The following ZDHHC8 variants were observed in gnomAD, a reference collection of about 807,000 sequenced individuals.
ZDHHC8 encodes the protein palmitoyltransferase ZDHHC8.
Under a neutral mutation model 61.2 loss-of-function variants are expected in ZDHHC8, and 24 were observed. The ratio of observed to expected loss-of-function variants is 0.39; its 90% confidence interval spans 0.28 to 0.55. The LOEUF (loss-of-function observed/expected upper bound fraction) is 0.55. Ranked by LOEUF, ZDHHC8 falls within the 20% of genes least tolerant of loss-of-function variation. ZDHHC8 has a pLI of 0.60. For synonymous variants in ZDHHC8, 523 were observed against 492.5 expected (o/e 1.06, Z -0.82); for missense variants, 935 against 1,102.1 (o/e 0.85, Z 2.15).
intron 1 of ZDHHC8, among the ~76,000 whole-genome samples, chr22:20,132,731 G>A (rs1404071545): frequency 2.0e-5 from 3 of 152,242 alleles, no homozygotes; most frequent in Admixed American, 1.3e-4. Flanking sequence ...GAGAGCCCGC[G>A]CCTGCAGGAC....
At chr22:20,141,660 C>A in intron 9 of ZDHHC8, 130 bp downstream of exon 9, 1 of 785,388 alleles carries the variant, frequency 1.3e-6, no homozygotes, top group South Asian at 1.8e-5. Flanking sequence ...GGCCACATCC[C>A]CTGAGGCCAT....
intron 5 of ZDHHC8, 118 bp downstream of exon 5, chr22:20,140,335 C>T (rs546678054): frequency 7.5e-5 from 82 of 1,094,086 alleles, no homozygotes; most frequent in South Asian, 6.0e-4. Flanking sequence ...TGTGTTGAGA[C>T]GAGGCTCCAA....
chr22:20,143,093 C>T lies in ZDHHC8; in HGVS notation c.1463C>T (p.Pro488Leu), dbSNP rs758869869. Residue 488 changes from proline to leucine, a missense_variant, in exon 10 of 11, where the codon CCT becomes CTT. Physicochemically the swap from Pro to Leu is moderately conservative, Grantham distance 98. Coordinates refer to ENST00000334554, the MANE Select transcript of ZDHHC8 (RefSeq NM_013373.4). ...SYDSLLNPGS[P>L]GGHACPAHPA... ...GACAGCCTGCTCAATCCTGGCTCGCCTGGTGGCCACGCCTGCCCTGCCCAC... is the reference window on the plus strand; with the variant it reads ...GACAGCCTGCTCAATCCTGGCTCGCTTGGTGGCCACGCCTGCCCTGCCCAC... 3 of 1,612,414 alleles carry T rather than the reference C, an allele frequency of 1.9e-6. No homozygotes were observed. In the South Asian group the frequency reaches 3.3e-5, roughly 18 times the overall value.
rs748147839 is a variant in ZDHHC8, at chr22:20,145,368, G to C, written c.2266G>C (p.Val756Leu). The C allele has an allele frequency of 3.2e-6, 5 of 1,574,164 alleles. No homozygotes were observed. In the African/African-American group the frequency reaches 5.5e-5, roughly 17 times the overall value. ...RHTLVKKVSG[V>L]GGTTYEISV ...CACGCTGGTTAAGAAGGTGTCCGGC[G>C]TGGGTGGGACCACCTACGAGATCTC... Residue 756 changes from valine (V) to leucine (L), a missense_variant, in exon 11 of 11, where the codon GTG becomes CTG. Val to Leu is a conservative substitution (Grantham distance 32). Around this residue, in one of 3 missense-constraint regions of ZDHHC8, gnomAD observed 692 missense variants for 731.4 expected, o/e 0.95. Coordinates refer to ENST00000334554, the MANE Select transcript of ZDHHC8 (RefSeq NM_013373.4).
At chr22:20,144,407 C>T (rs1357236963) in intron 10 of ZDHHC8, among the ~76,000 whole-genome samples, 2 of 152,216 alleles carry the variant, frequency 1.3e-5, no homozygotes, top group Non-Finnish European at 2.9e-5. Context: ...GAGCTGCACA[C>T]CTGCTGGGGC....
intron 9 of ZDHHC8, 126 bp downstream of exon 9, chr22:20,141,656 A>AGGGGATGTGGCC: frequency 1.2e-6 from 1 of 803,522 alleles, no homozygotes; most frequent in Non-Finnish European, 2.0e-6. Context: ...CAGAGGCCAC[A>AGGGGATGTGGCC]TCCCCTGAGG....
Position 20,143,375 on chromosome 22 carries a change from C to T in ZDHHC8, c.1745C>T (p.Pro582Leu), listed in dbSNP as rs765311385. ...GGCGACTCAGGCGTCTATGACGCTC[C>T]CAGCTCCTACAGCCTGCAGCAGGCC... ...LFGDSGVYDA[P>L]SSYSLQQASV... The change falls in exon 10 of 11, where the codon CCC (proline) becomes CTC (leucine). Residue 582 changes from proline to leucine, a missense_variant. Coordinates refer to ENST00000334554, the MANE Select transcript of ZDHHC8 (RefSeq NM_013373.4). The T allele has an allele frequency of 5.0e-6, 8 of 1,585,288 alleles. No individual in the cohort carries two copies. The Admixed American group carries it at 8.8e-5, about 17-fold the overall frequency.
intron 1 of ZDHHC8, among the ~76,000 whole-genome samples, chr22:20,133,907 C>T (rs946651610): frequency 1.3e-5 from 2 of 152,204 alleles, no homozygotes; most frequent in Non-Finnish European, 2.9e-5. Context: ...GGTTCCCTCA[C>T]GCGTGATGTC....
At chr22:20,141,192 C>T (rs1185353245) in intron 7 of ZDHHC8, 25 bp from the exon 8 acceptor site, 3 of 1,602,686 alleles carry the variant, frequency 1.9e-6, no homozygotes, top group Middle Eastern at 2.0e-4. Context: ...AAGCCCCACA[C>T]ACCACTGACC....
Position 20,143,611 on chromosome 22 carries a change from A to G in ZDHHC8, c.1981A>G (p.Ser661Gly). The change falls in exon 10 of 11, where the codon AGC becomes GGC. Residue 661 changes from serine (S) to glycine (G), a missense_variant. Coordinates refer to ENST00000334554, the MANE Select transcript of ZDHHC8 (RefSeq NM_013373.4). ...CAGCAACGCCCCGGGGCCCCGGCCC[A>G]GCAGTGGCTCACACAGGTCACCTGC... ...ASSNAPGPRP[S>G]SGSHRSPARQ... The G allele has an allele frequency of 1.2e-6, 2 of 1,603,468 alleles. No homozygotes were observed. Among genetic ancestry groups the G allele is most frequent in the Non-Finnish European group, 1.7e-6 (2 of 1,178,836 alleles).
At position 20,143,514 on chromosome 22, in the gene ZDHHC8, G is replaced by T. The variant is rs775615589; in HGVS notation, c.1884G>T (p.Leu628=). ...GARNPALQTS[L]SSLSSSVSRA... Reference sequence around the variant, plus strand: ...GCAACCCTGCCCTGCAGACGTCACTGTCCTCGCTGTCCAGCTCCGTGAGCC... The same window carrying T: ...GCAACCCTGCCCTGCAGACGTCACTTTCCTCGCTGTCCAGCTCCGTGAGCC... Residue 628 remains leucine, a synonymous_variant, in exon 10 of 11, where the codon CTG becomes CTT. Transcript: ENST00000334554. The T allele has an allele frequency of 4.6e-5, 74 of 1,599,994 alleles. No individual in the cohort carries two copies. Among genetic ancestry groups the T allele is most frequent in the Non-Finnish European group, 5.9e-5 (70 of 1,178,452 alleles).
chr22:20,147,346 C>T lies in ZDHHC8; in HGVS notation c.*1946C>T. ...GGGGTGGGCTGGGCTCTCTGCTCCA[C>T]CAGCCACAGCTTGACAGATTCCCAG... On this transcript the variant is annotated 3_prime_UTR_variant, in exon 11 of 11. Transcript: ENST00000334554. 1 of 1,066,302 alleles carries T rather than the reference C, an allele frequency of 9.4e-7. No homozygotes were observed. Among genetic ancestry groups the T allele is most frequent in the Non-Finnish European group, 1.3e-6 (1 of 784,606 alleles). 66.1% of individuals were successfully genotyped at this position (1,066,302 alleles called of 1,614,324 possible).
At position 20,141,512 on chromosome 22, in the gene ZDHHC8, C is replaced by T. The variant is rs1251970449; in HGVS notation, c.1107C>T (p.Phe369=). ...TCCCCACGGGTCCCAAGGTGCCCTT[C>T]TGTGGACCAGGCGAGCAGGTAAGGA... is the stretch of plus-strand genomic sequence containing the variant. The part of the protein sequence containing the change: ...PAFPTGPKVP[F]CGPGEQVPGP... Residue 369 remains phenylalanine, a synonymous_variant, in exon 9 of 11, where the codon TTC becomes TTT. Transcript: ENST00000334554. 43 of 1,612,470 alleles carry T rather than the reference C, an allele frequency of 2.7e-5. No individual in the cohort carries two copies. Among genetic ancestry groups the T allele is most frequent in the Non-Finnish European group, 3.1e-5 (37 of 1,179,778 alleles).
Position 20,131,864 on chromosome 22 carries a change from AGCCC to A in ZDHHC8, c.-74_-71del. ...CCGCCGCGGGTCCTGCGCCGCGTCC[AGCCC>A]GCCCGCCCGACCCCGGCCCGACCCC... On this transcript the variant is annotated 5_prime_UTR_variant, in exon 1 of 11. Coordinates refer to ENST00000334554, the MANE Select transcript of ZDHHC8 (RefSeq NM_013373.4). 8 of 322,386 alleles carry A rather than the reference AGCCC, an allele frequency of 2.5e-5. No homozygotes were observed. The highest frequency in any genetic ancestry group is 3.1e-5 in the Non-Finnish European group (7 of 226,760). The allele number at this position is 322,386 out of a possible 1,614,324, so 20.0% of individuals were successfully genotyped here.
chr22:20,140,897 C>T lies in ZDHHC8; in HGVS notation c.779C>T (p.Pro260Leu), dbSNP rs752721829. 8.3e-5 allele frequency: 133 copies of T among 1,604,446 alleles called. No individual in the cohort carries two copies. Among genetic ancestry groups the T allele is most frequent in the Non-Finnish European group, 1.1e-4 (130 of 1,179,960 alleles). ...TACGTGGTGGAGCCACCCCGGCTGC[C>T]GCTCGCGGTGAGTTTGAAGCCGCCT... ...PRYVVEPPRL[P>L]LAVSLKPPFL... is the part of the protein sequence containing the mutation. The change falls in exon 7 of 11, where the codon CCG (proline) becomes CTG (leucine). Residue 260 changes from proline to leucine, a missense_variant. Physicochemically the swap from Pro to Leu is moderately conservative, Grantham distance 98 (BLOSUM62 -3). Around this residue, in one of 3 missense-constraint regions of ZDHHC8, gnomAD observed 692 missense variants for 731.4 expected, o/e 0.95. Transcript: ENST00000334554.
At position 20,147,382 on chromosome 22, in the gene ZDHHC8, C is replaced by A; in HGVS notation, c.*1982C>A. The A allele has an allele frequency of 1.3e-6, 1 of 794,184 alleles. No homozygotes were observed. The highest frequency in any genetic ancestry group is 1.8e-6 in the Non-Finnish European group (1 of 542,614). The allele number at this position is 794,184 out of a possible 1,614,324, so 49.2% of individuals were successfully genotyped here. A position where few individuals can be genotyped will look rare whatever the true frequency, so the allele number is the denominator to read the frequency against. ...TTGACAGATTCCCAGCCTGCCAGGG[C>A]CTGAGACCCTGTGTCCACATGACCT... On this transcript the variant is annotated 3_prime_UTR_variant, in exon 11 of 11. Coordinates refer to ENST00000334554, the MANE Select transcript of ZDHHC8 (RefSeq NM_013373.4).
chr22:20,135,676 G>A (rs2148003172), intron 1 of ZDHHC8, among the ~76,000 whole-genome samples: 1 of 152,360 alleles, frequency 6.6e-6, no homozygotes, highest in Middle Eastern at 3.4e-3. Context: ...AAAACTCAGT[G>A]TGAGCCCCCC....
chr22:20,132,122 C>A, intron 1 of ZDHHC8, 71 bp downstream of exon 1: 1 of 1,006,432 alleles, frequency 9.9e-7, no homozygotes, highest in Non-Finnish European at 1.2e-6. Context: ...GGCACGGGGG[C>A]AGCGGTCGCG....
Position 20,131,983 on chromosome 22 carries a change from C to T in ZDHHC8, c.36C>T (p.Ala12=). ...GCCCCGGGACGCGCCTCAAACCCGC[C>T]AAGTACATCCCGGTGGCCACGGCCG... The part of the protein sequence containing the change: ...PRSPGTRLKP[A]KYIPVATAAA... Residue 12 remains alanine (A), a synonymous_variant, in exon 1 of 11, where the codon GCC becomes GCT. Transcript: ENST00000334554. 1 of 1,365,088 alleles carries T rather than the reference C, an allele frequency of 7.3e-7. No individual in the cohort carries two copies. The highest frequency in any genetic ancestry group is 9.6e-7 in the Non-Finnish European group (1 of 1,042,272). 84.6% of individuals were successfully genotyped at this position (1,365,088 alleles called of 1,614,324 possible).
Sources: gnomAD v4.1 joint callset for allele counts (sites outside exome capture counted in the v4.1 genomes callset) on GRCh38, gnomAD v4.1.1 for gene constraint, gnomAD v4.1.1 regional missense constraint, MANE v1.5 for transcripts, NCBI Gene and HGNC (gene_info 2026-07-23, HGNC 2026-07-21) for gene names.